The following PCDH9 variants were observed in gnomAD, a reference collection of about 807,000 sequenced individuals.
The protein encoded by PCDH9 is protocadherin 9.
In PCDH9, 24 loss-of-function variants were observed where a neutral mutation model predicts 70.6. The observed-to-expected ratio is 0.34, with a 90% CI of 0.25 to 0.48. PCDH9 has a LOEUF of 0.48. PCDH9 is among the 20% of genes least tolerant of loss of function. The probability of loss-of-function intolerance (pLI) is 0.99; values close to 1 mark genes in which losing one functional copy is unlikely to be tolerated. For synonymous variants in PCDH9, 562 were observed against 558.5 expected, an observed-to-expected ratio of 1.01 and a Z score of -0.09; for missense variants, 1,281 against 1,503.6, an observed-to-expected ratio of 0.85 and a Z score of 2.45.
At chr13:66,515,334 T>C (rs1959680986) in intron 4 of PCDH9, among the ~76,000 whole-genome samples, 1 of 152,050 alleles carries the variant, frequency 6.6e-6, no homozygotes, top group Non-Finnish European at 1.5e-5. Flanking sequence ...ATTACTTATA[T>C]GTTTAGTAAC....
chr13:66,836,147 A>G (rs963516233), intron 3 of PCDH9, among the ~76,000 whole-genome samples: 7 of 152,188 alleles, frequency 4.6e-5, no homozygotes, highest in African/African-American at 1.4e-4. Context: ...AATAAAGTGT[A>G]TATTTGTTTG....
intron 4 of PCDH9, among the ~76,000 whole-genome samples, chr13:66,466,165 C>T (rs1310982440): frequency 6.6e-6 from 1 of 151,758 alleles, no homozygotes; most frequent in African/African-American, 2.4e-5. Context: ...TTCTCTATCC[C>T]TTCTCTCTAT....
intron 4 of PCDH9, among the ~76,000 whole-genome samples, chr13:66,329,265 A>G (rs1040555890): frequency 2.0e-5 from 3 of 152,170 alleles, no homozygotes; most frequent in Admixed American, 1.3e-4. Context: ...TATGACTGTG[A>G]TTGGCAGACA....
At chr13:66,979,628 C>G (rs768804581) in intron 2 of PCDH9, among the ~76,000 whole-genome samples, 4 of 152,136 alleles carry the variant, frequency 2.6e-5, no homozygotes, top group Non-Finnish European at 5.9e-5. Context: ...AAATCCACAT[C>G]TCCTTCAAGA....
intron 2 of PCDH9, among the ~76,000 whole-genome samples, chr13:67,106,133 C>T (rs1018897266): frequency 2.3e-4 from 35 of 152,082 alleles, no homozygotes; most frequent in Non-Finnish European, 4.1e-4. Flanking sequence ...TATAAAGTGT[C>T]TCCCATGTAA....
intron 3 of PCDH9, among the ~76,000 whole-genome samples, chr13:66,653,527 G>C (rs952558362): frequency 6.6e-6 from 1 of 152,130 alleles, no homozygotes; most frequent in African/African-American, 2.4e-5. Flanking sequence ...TGCTGGCGAG[G>C]TTGTGGAGAA....
intron 2 of PCDH9, 170 bp downstream of exon 2, chr13:67,225,235 T>C: frequency 1.5e-6 from 2 of 1,306,382 alleles, no homozygotes; most frequent in South Asian, 1.8e-5. Flanking sequence ...AAAGCTGTTC[T>C]AAAAATTCTT....
At chr13:67,065,304 A>G (rs963678403) in intron 2 of PCDH9, among the ~76,000 whole-genome samples, 1 of 152,194 alleles carries the variant, frequency 6.6e-6, no homozygotes, top group African/African-American at 2.4e-5. Context: ...CATTTGCCAA[A>G]GAAAAGTGTT....
chr13:67,050,710 T>C (rs976939378), intron 2 of PCDH9, among the ~76,000 whole-genome samples: 1 of 152,176 alleles, frequency 6.6e-6, no homozygotes, highest in Non-Finnish European at 1.5e-5. Context: ...GATACAAAAC[T>C]AATGAAACTG....
intron 2 of PCDH9, among the ~76,000 whole-genome samples, chr13:67,172,545 AG>A (rs1011782612): frequency 8.5e-5 from 13 of 152,158 alleles, no homozygotes; most frequent in African/African-American, 2.9e-4. Context: ...AAGTGATAAC[AG>A]GGGCTCAACT....
intron 3 of PCDH9, among the ~76,000 whole-genome samples, chr13:66,633,549 T>C (rs936414952): frequency 4.6e-5 from 7 of 152,142 alleles, no homozygotes; most frequent in Non-Finnish European, 7.4e-5. Flanking sequence ...ACAGTGCTTA[T>C]TATGGATGAC....
chr13:66,841,812 G>T (rs2081121129), intron 3 of PCDH9, among the ~76,000 whole-genome samples: 1 of 152,182 alleles, frequency 6.6e-6, no homozygotes, highest in South Asian at 2.1e-4. Flanking sequence ...TTTATCTGGA[G>T]TCCTCCCACA....
intron 2 of PCDH9, among the ~76,000 whole-genome samples, chr13:67,169,409 AC>A (rs1322489616): frequency 6.6e-6 from 1 of 152,216 alleles, no homozygotes; most frequent in African/African-American, 2.4e-5. Flanking sequence ...CTTCTGCCAT[AC>A]AAAATTCGTT....
rs538387703 is a variant in PCDH9 at position 67,054,249 on chromosome 13, C to T, written c.3037-150644G>A. ...ACAGAAGAGTTAATTTAAACACCCGCTCTTTTGAAATTGTATTATTTTTAT... is the reference window on the plus strand; with the variant it reads ...ACAGAAGAGTTAATTTAAACACCCGTTCTTTTGAAATTGTATTATTTTTAT... On this transcript the variant is annotated intron_variant, in intron 2 of 4. Transcript: ENST00000377865. 3.9e-5 allele frequency among the ~76,000 whole-genome samples: 6 copies of T among 152,268 alleles called. No homozygotes were observed. In the South Asian group the frequency reaches 1.2e-3, roughly 32 times the overall value.
At chr13:66,324,870 G>T (rs922826976) in intron 4 of PCDH9, among the ~76,000 whole-genome samples, 7 of 151,814 alleles carry the variant, frequency 4.6e-5, no homozygotes, top group African/African-American at 1.5e-4. Context: ...TTGATCATCA[G>T]AACCTTAAAG....
At chr13:66,581,553 G>A (rs1246500296) in intron 4 of PCDH9, among the ~76,000 whole-genome samples, 2 of 152,066 alleles carry the variant, frequency 1.3e-5, no homozygotes, top group African/African-American at 4.8e-5. Context: ...ACATTGGAAG[G>A]GAGAATGCAG....
intron 2 of PCDH9, among the ~76,000 whole-genome samples, chr13:67,065,987 C>T (rs943505016): frequency 3.3e-5 from 5 of 152,046 alleles, no homozygotes; most frequent in Admixed American, 2.6e-4. Flanking sequence ...AAAGTAAAAG[C>T]TGACTCAAAT....
chr13:67,107,891 C>T (rs368873336), intron 2 of PCDH9, among the ~76,000 whole-genome samples: 8 of 152,310 alleles, frequency 5.3e-5, no homozygotes, highest in South Asian at 2.1e-4. Context: ...TAGGGTTCTG[C>T]GGTTCCTGGT....
intron 2 of PCDH9, among the ~76,000 whole-genome samples, chr13:66,913,379 T>A (rs967908544): frequency 5.9e-5 from 9 of 152,012 alleles, no homozygotes; most frequent in Non-Finnish European, 1.3e-4. Context: ...GAGTGTTTCA[T>A]GTTTTGATTT....
Sources: gnomAD v4.1 joint callset for allele counts (sites outside exome capture counted in the v4.1 genomes callset) on GRCh38, gnomAD v4.1.1 for gene constraint, MANE v1.5 for transcripts, NCBI Gene and HGNC (gene_info 2026-07-23, HGNC 2026-07-21) for gene names.